The following LTBP1 variants were observed in gnomAD, a reference collection of about 807,000 sequenced individuals.
LTBP1 encodes the protein latent transforming growth factor beta binding protein 1, also known as latent-transforming growth factor beta-binding protein 1.
A neutral mutation model predicts 207.6 loss-of-function variants in LTBP1; 129 were observed. That is an observed-to-expected ratio of 0.62 (90% CI 0.54 to 0.72). The LOEUF is 0.72. LTBP1 is among the 30% of genes least tolerant of loss of function. LTBP1 has a pLI of 0.00. For synonymous variants in LTBP1, 963 were observed against 833.7 expected (o/e 1.16, Z -2.67); for missense variants, 2,281 against 2,217.2 (o/e 1.03, Z -0.58).
chr2:33,110,026 C>T (rs1011941190), intron 3 of LTBP1, among the ~76,000 whole-genome samples: 1 of 152,154 alleles, frequency 6.6e-6, no homozygotes, highest in Admixed American at 6.5e-5. Flanking sequence ...TTCGCTATTT[C>T]CCCCCTTCCC....
intron 24 of LTBP1, among the ~76,000 whole-genome samples, chr2:33,341,729 A>AAAAAAAATATATAT (rs745445793): frequency 1.7e-4 from 16 of 93,620 alleles, no homozygotes; most frequent in African/African-American, 7.1e-4. Flanking sequence ...AAAAAAAAAA[A>AAAAAAAATATATAT]ATATATATAT....
At chr2:33,195,573 A>G (rs954947495) in intron 7 of LTBP1, among the ~76,000 whole-genome samples, 14 of 152,164 alleles carry the variant, frequency 9.2e-5, no homozygotes, top group African/African-American at 2.9e-4. Context: ...ACTTGAATGG[A>G]TGAGGAGCTG....
At chr2:33,067,383 G>C (rs1294544214) in intron 3 of LTBP1, among the ~76,000 whole-genome samples, 1 of 152,172 alleles carries the variant, frequency 6.6e-6, no homozygotes, top group Non-Finnish European at 1.5e-5. Flanking sequence ...GTAATATTAA[G>C]ATGCTTTATA....
In LTBP1 at chr2:33,011,104, A is replaced by C. The variant is rs968941856; in HGVS notation, c.566-9805A>C. 1.6e-4 allele frequency among the ~76,000 whole-genome samples: 25 copies of C among 152,268 alleles called. No homozygotes were observed. In the South Asian group the frequency reaches 5.0e-3, roughly 30 times the overall value. On this transcript the variant is annotated intron_variant, in intron 2 of 33. Transcript: ENST00000404816. ...GTGATACTGCAGTGGACATATTTGC[A>C]TACAAAATTCCCTAGATTAGGAATG...
At chr2:32,948,262 C>G (rs1298517323) in intron 1 of LTBP1, among the ~76,000 whole-genome samples, 1 of 152,228 alleles carries the variant, frequency 6.6e-6, no homozygotes, top group Non-Finnish European at 1.5e-5. Flanking sequence ...GTTCTGTGGC[C>G]TGGAACTTTG....
chr2:33,069,156 A>G (rs1318089958), intron 3 of LTBP1, among the ~76,000 whole-genome samples: 2 of 152,120 alleles, frequency 1.3e-5, no homozygotes, highest in Non-Finnish European at 2.9e-5. Flanking sequence ...ATGACTGTTG[A>G]TTCCTCTCTG....
chr2:33,246,288 C>T (rs1029618041), intron 10 of LTBP1, among the ~76,000 whole-genome samples: 1 of 152,010 alleles, frequency 6.6e-6, no homozygotes, highest in South Asian at 2.1e-4. Flanking sequence ...TTAGGATTTG[C>T]GATTTGAACC....
chr2:33,040,699 A>G (rs2076141908), intron 3 of LTBP1, among the ~76,000 whole-genome samples: 1 of 152,090 alleles, frequency 6.6e-6, no homozygotes, highest in African/African-American at 2.4e-5. Context: ...TTTTGCATGC[A>G]TTACTTGTGA....
At chr2:33,262,184 G>A (rs11678716) in intron 13 of LTBP1, among the ~76,000 whole-genome samples, 67 of 152,320 alleles carry the variant, frequency 4.4e-4, no homozygotes, top group Admixed American at 3.1e-3. Context: ...ACTGTTCAGA[G>A]AGCTGGAGTT....
chr2:32,978,381 T>G (rs542854084), intron 2 of LTBP1, among the ~76,000 whole-genome samples: 27 of 152,328 alleles, frequency 1.8e-4, no homozygotes, highest in African/African-American at 6.3e-4. Flanking sequence ...TTTTTTTCTA[T>G]ACCCAGTTGT....
At chr2:33,238,505 T>G (rs756252576) in intron 9 of LTBP1, among the ~76,000 whole-genome samples, 1 of 152,186 alleles carries the variant, frequency 6.6e-6, no homozygotes, top group Non-Finnish European at 1.5e-5. Flanking sequence ...GGCAGATTGT[T>G]TTGAAGTCAG....
chr2:33,389,139 C>T lies in LTBP1; in HGVS notation c.4712-45C>T, dbSNP rs764090495. On this transcript the variant is annotated intron_variant, in intron 31 of 33. Transcript: ENST00000404816. ...GAGCTGCGAGGGGGTGGGGCAGGTGCGAGCTAACAGTGGTGGGGCCTCATG... is the reference window on the plus strand; with the variant it reads ...GAGCTGCGAGGGGGTGGGGCAGGTGTGAGCTAACAGTGGTGGGGCCTCATG... The T allele has an allele frequency of 4.2e-5, 67 of 1,611,286 alleles. 1 individual carries two copies. The highest frequency in any genetic ancestry group is 4.9e-5 in the Non-Finnish European group (58 of 1,178,512).
chr2:33,393,819 A>G (rs539231424), intron 32 of LTBP1, among the ~76,000 whole-genome samples: 2 of 152,136 alleles, frequency 1.3e-5, no homozygotes, highest in Admixed American at 6.5e-5. Context: ...TAATGGGATG[A>G]CTGGGTCAAA....
At chr2:33,074,743 G>A (rs181262720) in intron 3 of LTBP1, among the ~76,000 whole-genome samples, 25 of 152,236 alleles carry the variant, frequency 1.6e-4, no homozygotes, top group African/African-American at 5.1e-4. Context: ...GGTGGCAGTC[G>A]CCTGTAGTCC....
intron 32 of LTBP1, among the ~76,000 whole-genome samples, chr2:33,395,662 C>A (rs1364100350): frequency 6.9e-6 from 1 of 144,690 alleles, no homozygotes; most frequent in African/African-American, 2.6e-5. Flanking sequence ...GTTGAAACTT[C>A]TTTTTTGTTG....
intron 3 of LTBP1, among the ~76,000 whole-genome samples, chr2:33,087,084 CT>C (rs35334788): frequency 6.3e-4 from 56 of 88,974 alleles, no homozygotes; most frequent in Admixed American, 1.6e-3. Context: ...CTCCTTTATG[CT>C]TTTTTTTTTT....
chr2:33,306,960 C>T (rs546877767), intron 22 of LTBP1, among the ~76,000 whole-genome samples: 2 of 152,150 alleles, frequency 1.3e-5, no homozygotes, highest in South Asian at 2.1e-4. Context: ...TGGTGGTGGG[C>T]GCCTGTAGTC....
chr2:33,298,540 C>T (rs979984222), intron 20 of LTBP1, among the ~76,000 whole-genome samples: 1 of 152,152 alleles, frequency 6.6e-6, no homozygotes, highest in African/African-American at 2.4e-5. Flanking sequence ...GTCTTCAGTT[C>T]GTGAACTGAC....
At chr2:33,395,153 G>A (rs1480401419) in intron 32 of LTBP1, among the ~76,000 whole-genome samples, 1 of 152,174 alleles carries the variant, frequency 6.6e-6, no homozygotes, top group Non-Finnish European at 1.5e-5. Context: ...CAGACATTGT[G>A]TTCAATGTTG....
Sources: allele counts gnomAD v4.1 joint callset (sites outside exome capture counted in the v4.1 genomes callset), GRCh38; gene constraint gnomAD v4.1.1; transcripts MANE v1.5; gene names NCBI Gene and HGNC (gene_info 2026-07-23, HGNC 2026-07-21).